The following NSRP1 variants were observed in gnomAD, a reference collection of about 807,000 sequenced individuals.
NSRP1 encodes the protein coiled-coil domain containing 55.
NSRP1 carries 24 observed loss-of-function variants against 54.7 expected under a neutral mutation model. That is an observed-to-expected ratio of 0.44 (90% confidence interval 0.32 to 0.62). The LOEUF (loss-of-function observed/expected upper bound fraction) is 0.62. NSRP1 is among the 20% of genes least tolerant of loss of function. NSRP1 has a pLI of 0.06. For synonymous variants in NSRP1, 210 were observed against 213.8 expected, an observed-to-expected ratio of 0.98 and a Z score of 0.15; for missense variants, 596 against 651.2, an observed-to-expected ratio of 0.92 and a Z score of 0.92.
intron 2 of NSRP1, among the ~76,000 whole-genome samples, chr17:30,134,298 C>T (rs1044945933): frequency 3.3e-5 from 5 of 152,106 alleles, no homozygotes; most frequent in African/African-American, 1.2e-4. Flanking sequence ...ATCATTGTAA[C>T]ATGTAATAAT....
chr17:30,132,422 C>T (rs1335266529), intron 2 of NSRP1, among the ~76,000 whole-genome samples: 3 of 151,984 alleles, frequency 2.0e-5, no homozygotes, highest in African/African-American at 7.2e-5. Flanking sequence ...GTTGTGGTGG[C>T]GTGCGCCTGT....
rs1429070180 is a variant in NSRP1, at chr17:30,181,384, G to GT, written c.617+374dup. On this transcript the variant is annotated intron_variant, in intron 6 of 6. Coordinates refer to ENST00000247026, the MANE Select transcript of NSRP1 (RefSeq NM_032141.4). ...CAAGGGAAAGCAAAATCAAATTGTA[G>GT]TTTTTTCTTTTTTCTTTTTTTTTTT... Among the ~76,000 whole-genome samples, 150 of 144,152 alleles carry GT rather than the reference G, an allele frequency of 1.0e-3. 2 individuals carry two copies. In the Middle Eastern group the frequency reaches 0.011, roughly 10 times the overall value. 94.6% of individuals were successfully genotyped at this position (144,152 alleles called of 152,430 possible). A position where few individuals can be genotyped will look rare whatever the true frequency, so the allele number is the denominator to read the frequency against.
intron 2 of NSRP1, among the ~76,000 whole-genome samples, chr17:30,160,586 T>C (rs1030113667): frequency 6.6e-6 from 1 of 152,226 alleles, no homozygotes; most frequent in African/African-American, 2.4e-5. Flanking sequence ...TGGTGTATAG[T>C]TGTTTGTAGT....
chr17:30,183,324 G>A lies in NSRP1; in HGVS notation c.618-1291G>A, dbSNP rs570884203. Among the ~76,000 whole-genome samples, 7 of 152,136 alleles carry A rather than the reference G, an allele frequency of 4.6e-5. No homozygotes were observed. The East Asian group carries it at 1.4e-3, about 29-fold the overall frequency. On this transcript the variant is annotated intron_variant, in intron 6 of 6. Coordinates refer to ENST00000247026, the MANE Select transcript of NSRP1 (RefSeq NM_032141.4). ...AATAGAATTAAGGTGAGGAGAGGAA[G>A]TTTATGCCCCACTCCCTCCCTACGC...
intron 1 of NSRP1, chr17:30,117,184 C>G: frequency 2.9e-6 from 2 of 691,558 alleles, no homozygotes; most frequent in Non-Finnish European, 5.4e-6. Flanking sequence ...TGAGTTTCTC[C>G]CCGCTTGGAT....
At chr17:30,163,597 C>G (rs1163494513) in intron 2 of NSRP1, among the ~76,000 whole-genome samples, 1 of 148,788 alleles carries the variant, frequency 6.7e-6, no homozygotes, top group Non-Finnish European at 1.5e-5. Flanking sequence ...CTACACAGAA[C>G]AATGAAGGGA....
chr17:30,134,079 T>TATTAGTTGA (rs2071726760), intron 2 of NSRP1, among the ~76,000 whole-genome samples: 1 of 152,214 alleles, frequency 6.6e-6, no homozygotes. Flanking sequence ...ATTGTAGGGT[T>TATTAGTTGA]ATTAGTTGAC....
intron 2 of NSRP1, among the ~76,000 whole-genome samples, chr17:30,162,283 G>A (rs1904548196): frequency 6.6e-6 from 1 of 152,094 alleles, no homozygotes; most frequent in African/African-American, 2.4e-5. Context: ...ACCCGCCTTG[G>A]CCTCCCAAAG....
intron 2 of NSRP1, among the ~76,000 whole-genome samples, chr17:30,128,944 A>G (rs1306912441): frequency 1.3e-5 from 2 of 149,816 alleles, no homozygotes; most frequent in East Asian, 3.9e-4. Context: ...ATTTGTAGAG[A>G]TGGGGGTCTC....
intron 3 of NSRP1, among the ~76,000 whole-genome samples, chr17:30,176,608 C>A: frequency 1.0e-5 from 1 of 98,792 alleles, no homozygotes; most frequent in Admixed American, 1.1e-4. Flanking sequence ...AGACTTCGTC[C>A]CCCCCCCCCC....
chr17:30,117,282 G>C (rs2071544434), intron 1 of NSRP1: 1 of 586,824 alleles, frequency 1.7e-6, no homozygotes, highest in Non-Finnish European at 3.0e-6. Flanking sequence ...CCTGATTCCC[G>C]CCCTTCCTTC....
At chr17:30,139,058 T>C (rs989756623) in intron 2 of NSRP1, among the ~76,000 whole-genome samples, 3 of 151,266 alleles carry the variant, frequency 2.0e-5, no homozygotes, top group Non-Finnish European at 4.4e-5. Context: ...GCTGGGACTA[T>C]AGGCGCCTGC....
chr17:30,145,632 T>C (rs776949860), intron 2 of NSRP1, among the ~76,000 whole-genome samples: 7 of 152,178 alleles, frequency 4.6e-5, no homozygotes, highest in Non-Finnish European at 1.0e-4. Context: ...GAAATGGCTT[T>C]ATCAGTTTAC....
chr17:30,149,672 A>C (rs1258460257), intron 2 of NSRP1, among the ~76,000 whole-genome samples: 4 of 151,820 alleles, frequency 2.6e-5, no homozygotes, highest in African/African-American at 9.7e-5. Flanking sequence ...CTCTGCAAAA[A>C]ATTTTAAAAA....
intron 6 of NSRP1, among the ~76,000 whole-genome samples, chr17:30,182,183 C>T (rs994327268): frequency 1.5e-4 from 23 of 150,352 alleles, no homozygotes; most frequent in Non-Finnish European, 3.1e-4. Flanking sequence ...TAGGTGTCTA[C>T]AATATAAGTC....
chr17:30,151,670 G>A (rs1433253016), intron 2 of NSRP1, among the ~76,000 whole-genome samples: 1 of 150,678 alleles, frequency 6.6e-6, no homozygotes, highest in East Asian at 2.0e-4. Flanking sequence ...CACATTGGGT[G>A]TAACTTTTAC....
At chr17:30,126,207 T>G (rs2071648059) in intron 2 of NSRP1, 2 of 152,224 alleles carry the variant, frequency 1.3e-5, no homozygotes, top group Admixed American at 1.3e-4. Context: ...AGTGCTAATC[T>G]TGACTTTGAA....
intron 2 of NSRP1, among the ~76,000 whole-genome samples, chr17:30,126,545 A>G (rs2071651199): frequency 6.6e-6 from 1 of 152,252 alleles, no homozygotes; most frequent in Admixed American, 6.5e-5. Flanking sequence ...ACTGTACTAG[A>G]TAAAGTATGA....
rs144705088 is a variant in NSRP1 at position 30,172,014 on chromosome 17, T to TCTCTCTCTCTCTCTCA, written c.115-527_115-526insTCTCTCTCTCTCTCAC. Among the ~76,000 whole-genome samples, 117 of 131,048 alleles carry TCTCTCTCTCTCTCTCA rather than the reference T, an allele frequency of 8.9e-4. 1 individual carries two copies. Among genetic ancestry groups the TCTCTCTCTCTCTCTCA allele is most frequent in the Non-Finnish European group, 1.6e-3 (101 of 62,394 alleles). 86.0% of individuals were successfully genotyped at this position (131,048 alleles called of 152,430 possible). On this transcript the variant is annotated intron_variant, in intron 2 of 6. Transcript: ENST00000247026. The stretch of plus-strand genomic sequence containing the variant: ...CTCTCTCTCTCTCTCTCTCTCTCTC[T>TCTCTCTCTCTCTCTCA]CACATGTTCACATGAAGCAAATTGA...
Sources: allele counts gnomAD v4.1 joint callset (sites outside exome capture counted in the v4.1 genomes callset), GRCh38; gene constraint gnomAD v4.1.1; transcripts MANE v1.5; gene names NCBI Gene and HGNC (gene_info 2026-07-23, HGNC 2026-07-21).